ADAMTS16: variants seen among roughly 807,000 people sequenced by gnomAD.
ADAMTS16 encodes the protein ADAM metallopeptidase with thrombospondin type 1 motif 16.
In ADAMTS16, 94 loss-of-function variants were observed where a neutral mutation model predicts 145.8. The observed-to-expected ratio is 0.64, with a 90% CI of 0.55 to 0.77. The LOEUF is 0.77. Among genes scored for constraint, ADAMTS16 ranks in the 30% least tolerant of loss-of-function variants. The pLI, the probability that ADAMTS16 is intolerant of heterozygous loss-of-function variation, is 0.00. For synonymous variants in ADAMTS16, 659 were observed against 604.3 expected (o/e 1.09, Z -1.33); for missense variants, 1,585 against 1,591.5 (o/e 1.00, Z 0.07).
intron 17 of ADAMTS16, among the ~76,000 whole-genome samples, chr5:5,258,914 T>C (rs140699426): frequency 1.3e-3 from 202 of 152,256 alleles, no homozygotes; most frequent in African/African-American, 4.5e-3. Flanking sequence ...GGCAATGCCA[T>C]TTTTAAAAGG....
At chr5:5,306,360 CT>C in intron 20 of ADAMTS16, 143 bp from the exon 21 acceptor site, 2 of 737,758 alleles carry the variant, frequency 2.7e-6, no homozygotes, top group Non-Finnish European at 4.4e-6. Flanking sequence ...TATAATGTCT[CT>C]TAAAAATGCT....
At chr5:5,252,071 G>A (rs1242224179) in intron 17 of ADAMTS16, among the ~76,000 whole-genome samples, 20 of 152,152 alleles carry the variant, frequency 1.3e-4, no homozygotes, top group Admixed American at 9.8e-4. Context: ...GGATGGTCTT[G>A]ATCTCCTGAC....
At chr5:5,309,133 C>T (rs568246128) in intron 21 of ADAMTS16, among the ~76,000 whole-genome samples, 2 of 152,136 alleles carry the variant, frequency 1.3e-5, no homozygotes, top group African/African-American at 4.8e-5. Flanking sequence ...TCCCTCTCTA[C>T]GGGAATTGGA....
chr5:5,234,420 C>G (rs1737031982), intron 12 of ADAMTS16, among the ~76,000 whole-genome samples: 1 of 152,306 alleles, frequency 6.6e-6, no homozygotes, highest in South Asian at 2.1e-4. Flanking sequence ...GTGAGGACAG[C>G]CCTGCCCACC....
chr5:5,152,441 G>A (rs1197998066), intron 3 of ADAMTS16, among the ~76,000 whole-genome samples: 1 of 152,222 alleles, frequency 6.6e-6, no homozygotes, highest in Non-Finnish European at 1.5e-5. Context: ...CATTCTATGT[G>A]TAGGGGCTGC....
rs148120855 is a variant in ADAMTS16, at chr5:5,218,793, A to AC, written c.1606-3993dup. On this transcript the variant is annotated intron_variant, in intron 10 of 22. Transcript: ENST00000274181. ...TGGAGTCAGGCTGCCCAGTGGCCAG[A>AC]CCCTTCTCTGGCTGCCCCCAGCTGA... is the stretch of plus-strand genomic sequence containing the variant. Among the ~76,000 whole-genome samples the AC allele has an allele frequency of 9.5e-3, 1,438 of 152,122 alleles. 23 individuals carry two copies. The highest frequency in any genetic ancestry group is 0.033 in the African/African-American group (1,357 of 41,464).
intron 2 of ADAMTS16, among the ~76,000 whole-genome samples, chr5:5,144,099 C>T (rs1051516384): frequency 6.7e-6 from 1 of 148,634 alleles, no homozygotes; most frequent in Non-Finnish European, 1.5e-5. Context: ...ACGTTCTACA[C>T]ATGTATCCCA....
intron 18 of ADAMTS16, among the ~76,000 whole-genome samples, chr5:5,284,456 G>C (rs1479402075): frequency 6.6e-6 from 1 of 152,220 alleles, no homozygotes; most frequent in East Asian, 1.9e-4. Flanking sequence ...TATGTAAGTG[G>C]ATCCAGTGGC....
intron 11 of ADAMTS16, 82 bp from the exon 12 acceptor site, chr5:5,232,286 C>T (rs544918816): frequency 2.0e-5 from 32 of 1,561,368 alleles, no homozygotes; most frequent in Middle Eastern, 1.7e-4. Context: ...TTCCCCACTG[C>T]TCAGCCTTAT....
intron 3 of ADAMTS16, among the ~76,000 whole-genome samples, chr5:5,153,016 G>A (rs1160170860): frequency 6.6e-6 from 1 of 152,182 alleles, no homozygotes; most frequent in Non-Finnish European, 1.5e-5. Flanking sequence ...TTCAAAACAT[G>A]GGAATCCAGA....
intron 11 of ADAMTS16, among the ~76,000 whole-genome samples, chr5:5,228,487 G>A (rs1248964604): frequency 2.0e-5 from 3 of 152,062 alleles, no homozygotes; most frequent in Non-Finnish European, 4.4e-5. Flanking sequence ...AAGAACTAAT[G>A]AAGTATTTTT....
intron 18 of ADAMTS16, among the ~76,000 whole-genome samples, chr5:5,295,194 T>C (rs1277827119): frequency 1.3e-5 from 2 of 152,234 alleles, no homozygotes; most frequent in Non-Finnish European, 2.9e-5. Context: ...TGAGTTTCTT[T>C]AAAGAAGGAT....
rs972248932 is a variant in ADAMTS16 at position 5,146,173 on chromosome 5, T to G, written c.219T>G (p.Asp73Glu). ...CCTACGAGGTTGACCACAGGGGCGA[T>G]TACGTGTCCCATGAAATCATGCACC... Reference protein sequence around the residue: ...VSAYEVDHRGDYVSHEIMHHQ... With the variant: ...VSAYEVDHRGEYVSHEIMHHQ... The change falls in exon 3 of 23, where the codon GAT becomes GAG. Residue 73 changes from aspartate to glutamate, a missense_variant. Coordinates refer to ENST00000274181, the MANE Select transcript of ADAMTS16 (RefSeq NM_139056.4). The G allele has an allele frequency of 6.2e-7, 1 of 1,614,182 alleles. No homozygotes were observed.
chr5:5,298,441 C>CT (rs1739634639), intron 18 of ADAMTS16, among the ~76,000 whole-genome samples: 1 of 152,038 alleles, frequency 6.6e-6, no homozygotes, highest in Non-Finnish European at 1.5e-5. Flanking sequence ...ATGAAGCGTC[C>CT]TTTGTCCTAG....
At chr5:5,255,829 C>A (rs1737761764) in intron 17 of ADAMTS16, among the ~76,000 whole-genome samples, 1 of 152,174 alleles carries the variant, frequency 6.6e-6, no homozygotes, top group South Asian at 2.1e-4. Context: ...TATCAGATCC[C>A]TCTTTCTGCT....
intron 8 of ADAMTS16, among the ~76,000 whole-genome samples, chr5:5,196,581 G>A (rs1363614520): frequency 1.3e-5 from 2 of 152,126 alleles, no homozygotes; most frequent in Non-Finnish European, 2.9e-5. Flanking sequence ...ATTCCTCTTA[G>A]GATTTCTTGT....
chr5:5,177,457 A>C (rs980818799), intron 3 of ADAMTS16, among the ~76,000 whole-genome samples: 14 of 152,226 alleles, frequency 9.2e-5, no homozygotes, highest in Non-Finnish European at 2.1e-4. Flanking sequence ...AGTCAGGTGT[A>C]GTGGAGAGAG....
At chr5:5,213,575 C>A (rs903820917) in intron 10 of ADAMTS16, among the ~76,000 whole-genome samples, 2 of 152,030 alleles carry the variant, frequency 1.3e-5, no homozygotes, top group African/African-American at 4.8e-5. Context: ...TAAGGTGAGT[C>A]CTTTTGATCC....
intron 10 of ADAMTS16, 34 bp from the exon 11 acceptor site, chr5:5,222,755 G>A (rs769868334): frequency 7.3e-6 from 11 of 1,515,352 alleles, no homozygotes; most frequent in East Asian, 4.5e-5. Context: ...ACAATATGAT[G>A]TAATCCTAAT....
Sources: allele counts gnomAD v4.1 joint callset (sites outside exome capture counted in the v4.1 genomes callset), GRCh38; gene constraint gnomAD v4.1.1; transcripts MANE v1.5; gene names NCBI Gene and HGNC (gene_info 2026-07-23, HGNC 2026-07-21).